The following RGS8 variants were observed in gnomAD, a reference collection of about 807,000 sequenced individuals.
RGS8 encodes regulator of G protein signaling 8.
Under a neutral mutation model 21.7 loss-of-function variants are expected in RGS8, and 8 were observed. The observed-to-expected ratio is 0.37, with a 90% CI of 0.22 to 0.66. The LOEUF is 0.66. Ranked by LOEUF, RGS8 falls within the 30% of genes least tolerant of loss-of-function variation. The pLI, the probability that RGS8 is intolerant of heterozygous loss-of-function variation, is 0.59. For synonymous variants in RGS8, 80 were observed against 83.6 expected, an observed-to-expected ratio of 0.96 and a Z score of 0.24; for missense variants, 157 against 217.9, an observed-to-expected ratio of 0.72 and a Z score of 1.76.
intron 5 of RGS8, among the ~76,000 whole-genome samples, chr1:182,661,063 T>C (rs145898806): frequency 2.6e-5 from 4 of 151,884 alleles, no homozygotes; most frequent in African/African-American, 9.7e-5. Flanking sequence ...ATTTCATGAA[T>C]TGATAATTTT....
At chr1:182,715,631 G>T in the RGS8 span, among the ~76,000 whole-genome samples, 1 of 152,170 alleles carries the variant, frequency 6.6e-6, no homozygotes, top group East Asian at 1.9e-4. Context: ...TTTAGAATAA[G>T]TTCCCAGATA....
chr1:182,644,429 T>C (rs946358664), downstream of RGS8: 1 of 152,218 alleles, frequency 6.6e-6, no homozygotes, highest in African/African-American at 2.4e-5. Flanking sequence ...CACATACCCT[T>C]GCTTAGCTGC....
the RGS8 span, among the ~76,000 whole-genome samples, chr1:182,733,296 C>A: frequency 5.1e-3 from 770 of 152,260 alleles, 11 homozygotes; most frequent in African/African-American, 0.018. Flanking sequence ...AAATGATATG[C>A]CGTGCTCAAT....
At chr1:182,677,869 A>G (rs1207609119), upstream of RGS8, among the ~76,000 whole-genome samples, 1 of 152,224 alleles carries the variant, frequency 6.6e-6, no homozygotes, top group African/African-American at 2.4e-5. Context: ...CAGCAAAGGA[A>G]ATGAAACAAA....
chr1:182,649,049 G>A (rs1024845090), intron 5 of RGS8, among the ~76,000 whole-genome samples: 3 of 152,034 alleles, frequency 2.0e-5, no homozygotes, highest in East Asian at 1.9e-4. Flanking sequence ...GCAGTGAGCC[G>A]AGATCACGCC....
chr1:182,669,147 G>A (rs1344317134), intron 3 of RGS8, among the ~76,000 whole-genome samples: 1 of 152,206 alleles, frequency 6.6e-6, no homozygotes, highest in African/African-American at 2.4e-5. Flanking sequence ...GGACAAAATG[G>A]TTTTTATTTT....
At chr1:182,741,384 A>T in the RGS8 span, among the ~76,000 whole-genome samples, 1 of 111,814 alleles carries the variant, frequency 8.9e-6, no homozygotes, top group Non-Finnish European at 1.8e-5. Flanking sequence ...TCCCTCCCGG[A>T]CGGGGCGGCT....
the RGS8 span, chr1:182,714,683 C>T: frequency 6.6e-6 from 1 of 152,192 alleles, no homozygotes; most frequent in Non-Finnish European, 1.5e-5. Context: ...GCTATATGGG[C>T]AGGGCAGCTT....
At chr1:182,705,120 A>G in the RGS8 span, among the ~76,000 whole-genome samples, 29 of 152,346 alleles carry the variant, frequency 1.9e-4, no homozygotes, top group African/African-American at 6.5e-4. Context: ...TAGATATATA[A>G]AAATAAATTC....
rs199745154 is a variant in RGS8, at chr1:182,658,853, A to T, written c.193+7116T>A. On this transcript the variant is annotated intron_variant, in intron 5 of 6. Transcript: ENST00000483095. ...CAGAGCAAGACCCTGTCTCTAAAAA[A>T]TTTTAAAAATAACTGGGACTAAGTA... 4.2e-4 allele frequency among the ~76,000 whole-genome samples: 64 copies of T among 152,346 alleles called. No individual in the cohort carries two copies. The East Asian group carries it at 0.012, about 29-fold the overall frequency.
upstream of RGS8, among the ~76,000 whole-genome samples, chr1:182,674,274 C>T (rs1410729915): frequency 2.0e-5 from 3 of 152,180 alleles, no homozygotes; most frequent in Non-Finnish European, 4.4e-5. Flanking sequence ...TCAATATTAA[C>T]CAGGCATCAG....
the RGS8 span, among the ~76,000 whole-genome samples, chr1:182,693,371 C>A: frequency 6.6e-6 from 1 of 152,252 alleles, no homozygotes; most frequent in African/African-American, 2.4e-5. Flanking sequence ...TGAGAAAATG[C>A]TCAACATCAC....
At chr1:182,710,854 GA>G in the RGS8 span, among the ~76,000 whole-genome samples, 1 of 152,106 alleles carries the variant, frequency 6.6e-6, no homozygotes, top group Non-Finnish European at 1.5e-5. Flanking sequence ...TCTCCAAAAA[GA>G]AACCTCTCAT....
chr1:182,747,985 T>C, the RGS8 span, among the ~76,000 whole-genome samples: 1 of 152,232 alleles, frequency 6.6e-6, no homozygotes, highest in South Asian at 2.1e-4. Flanking sequence ...TTTTTAAAAG[T>C]TTGCTTTTTT....
At chr1:182,722,523 C>T in the RGS8 span, among the ~76,000 whole-genome samples, 1 of 152,146 alleles carries the variant, frequency 6.6e-6, no homozygotes, top group East Asian at 1.9e-4. Flanking sequence ...TTCCCTGTGC[C>T]TGGTGGCTCT....
chr1:182,691,588 A>T, the RGS8 span, among the ~76,000 whole-genome samples: 18 of 148,936 alleles, frequency 1.2e-4, no homozygotes, highest in Non-Finnish European at 1.9e-4. Context: ...TTTCAATAAA[A>T]TTCAACATCC....
the RGS8 span, among the ~76,000 whole-genome samples, chr1:182,747,804 C>A: frequency 6.6e-6 from 1 of 150,954 alleles, no homozygotes; most frequent in Non-Finnish European, 1.5e-5. Context: ...GAGTTTAAGA[C>A]CTGCCTGGTC....
At chr1:182,669,406 G>C (rs752821256) in intron 3 of RGS8, among the ~76,000 whole-genome samples, 1 of 152,164 alleles carries the variant, frequency 6.6e-6, no homozygotes, top group Non-Finnish European at 1.5e-5. Flanking sequence ...CAATGGGAGG[G>C]CTTCAGCTAA....
intron 4 of RGS8, among the ~76,000 whole-genome samples, chr1:182,666,399 T>G (rs1027111018): frequency 1.3e-5 from 2 of 152,240 alleles, no homozygotes; most frequent in Admixed American, 1.3e-4. Flanking sequence ...CCTAAATGTC[T>G]GCACTTCTGA....
Sources: gnomAD v4.1 joint callset for allele counts (sites outside exome capture counted in the v4.1 genomes callset) on GRCh38, gnomAD v4.1.1 for gene constraint, MANE v1.5 for transcripts, NCBI Gene and HGNC (gene_info 2026-07-23, HGNC 2026-07-21) for gene names.